ZMYM6: variants seen among roughly 807,000 people sequenced by gnomAD.
ZMYM6 encodes zinc finger MYM-type containing 6.
In ZMYM6, 90 loss-of-function variants were observed where a neutral mutation model predicts 134.0. The ratio of observed to expected loss-of-function variants is 0.67; its 90% confidence interval spans 0.57 to 0.80. The LOEUF is 0.80. ZMYM6 is among the 30% of genes least tolerant of loss of function. ZMYM6 has a pLI of 0.00. For synonymous variants in ZMYM6, 481 were observed against 524.1 expected, an observed-to-expected ratio of 0.92 and a Z score of 1.12; for missense variants, 1,362 against 1,533.9, an observed-to-expected ratio of 0.89 and a Z score of 1.87.
rs1031212802 is a variant in ZMYM6, at chr1:35,005,119, T to C, written c.1954+13A>G. 3 of 1,613,834 alleles carry C rather than the reference T, an allele frequency of 1.9e-6. No homozygotes were observed. In the East Asian group the frequency reaches 6.7e-5, roughly 36 times the overall value. On this transcript the variant is annotated intron_variant, in intron 13 of 15. Transcript: ENST00000357182. ...TCTATGGCTTAGCCAAATGCCATTA[T>C]ATCAAGTCATACCTTTTAAAACACT... is the stretch of plus-strand genomic sequence containing the variant.
At position 34,988,066 on chromosome 1, in the gene ZMYM6, C is replaced by T; in HGVS notation, c.3016G>A (p.Ala1006Thr). 6.4e-7 allele frequency: 1 copy of T among 1,551,506 alleles called. No individual in the cohort carries two copies. Among genetic ancestry groups the T allele is most frequent in the Non-Finnish European group, 8.7e-7 (1 of 1,146,976 alleles). Residue 1006 changes from alanine (A) to threonine (T), a missense_variant, in exon 16 of 16, where the codon GCA (alanine) becomes ACA (threonine). Around this residue, in one of 3 missense-constraint regions of ZMYM6, gnomAD observed 824 missense variants for 940.9 expected, o/e 0.88. Transcript: ENST00000357182. Reference protein sequence around the residue: ...KIQEVAMNTAAFTHCFIHRER... With the variant: ...KIQEVAMNTATFTHCFIHRER... ...CGGTGAATAAAACAATGTGTAAATG[C>T]CGCTGTATTCATGGCAACTTCTTGA...
chr1:35,009,778 T>TA (rs1290325428), intron 10 of ZMYM6, among the ~76,000 whole-genome samples: 8 of 151,066 alleles, frequency 5.3e-5, no homozygotes, highest in South Asian at 2.1e-4. Context: ...CTACCAAAAA[T>TA]AAAAAAAATT....
At chr1:35,030,468 G>GT in intron 2 of ZMYM6, 79 bp downstream of exon 2, 1 of 1,403,292 alleles carries the variant, frequency 7.1e-7, no homozygotes, top group Non-Finnish European at 9.7e-7. Flanking sequence ...ACCAGAAGCC[G>GT]TTTAACTAAA....
In ZMYM6 at chr1:35,012,012, G is replaced by A; in HGVS notation, c.947-7C>T. On this transcript the variant is annotated splice_polypyrimidine_tract_variant and splice_region_variant and intron_variant, in intron 7 of 15. Transcript: ENST00000357182. ...TGACATGAAACCTGGACACCTTGGTGACAAAAAATTAAAAACAATGATTAA... is the reference window on the plus strand; with the variant it reads ...TGACATGAAACCTGGACACCTTGGTAACAAAAAATTAAAAACAATGATTAA... 1.3e-6 allele frequency: 2 copies of A among 1,557,284 alleles called. No individual in the cohort carries two copies. The highest frequency in any genetic ancestry group is 1.8e-6 in the Non-Finnish European group (2 of 1,140,960).
At chr1:34,997,283 T>C (rs759871962) in intron 14 of ZMYM6, among the ~76,000 whole-genome samples, 5 of 152,212 alleles carry the variant, frequency 3.3e-5, no homozygotes, top group Admixed American at 6.5e-5. Context: ...AAATGATTCA[T>C]AGAAGCTCCT....
At chr1:34,992,103 C>T (rs1392406880) in intron 15 of ZMYM6, 131 bp downstream of exon 15, 2 of 1,158,182 alleles carry the variant, frequency 1.7e-6, no homozygotes, top group South Asian at 1.3e-5. Flanking sequence ...GTATTCAAAG[C>T]ATGTGATCCA....
intron 2 of ZMYM6, among the ~76,000 whole-genome samples, chr1:35,022,201 T>C (rs1569791861): frequency 1.3e-5 from 2 of 152,308 alleles, no homozygotes; most frequent in East Asian, 3.9e-4. Context: ...CTAAGAGATG[T>C]TCAGCAACTT....
Position 34,998,744 on chromosome 1 carries a change from G to T in ZMYM6, c.1992+5224C>A, listed in dbSNP as rs565927267. Among the ~76,000 whole-genome samples the T allele has an allele frequency of 2.0e-5, 3 of 152,258 alleles. No homozygotes were observed. In the South Asian group the frequency reaches 6.2e-4, roughly 32 times the overall value. On this transcript the variant is annotated intron_variant, in intron 14 of 15. Transcript: ENST00000357182. ...ATGTCAAGTCGGCAGCTGGATACAG[G>T]AATCTGGAGCTCAAAGGTCAGGGTA...
At chr1:35,030,502 A>G (rs770955277) in intron 2 of ZMYM6, 45 bp downstream of exon 2, 4 of 1,567,648 alleles carry the variant, frequency 2.6e-6, no homozygotes, top group Non-Finnish European at 2.6e-6. Context: ...CCAGATGGAA[A>G]AGAAGGAATT....
chr1:34,993,291 T>G (rs1210002030), intron 14 of ZMYM6, among the ~76,000 whole-genome samples: 1 of 151,976 alleles, frequency 6.6e-6, no homozygotes, highest in Non-Finnish European at 1.5e-5. Context: ...TTTTATATTT[T>G]TAGTAGAGAT....
At position 35,011,913 on chromosome 1, in the gene ZMYM6, A is replaced by AGCT; in HGVS notation, c.1036_1038dup (p.Ser348dup). The stretch of plus-strand genomic sequence containing the variant: ...ACCTGGAAAGCAACCACACAACTGG[A>AGCT]GCTGCAGAAGCTGTATATAGTTCCA... On this transcript the variant is annotated inframe_insertion, in exon 8 of 16. Transcript: ENST00000357182. 1 of 1,604,604 alleles carries AGCT rather than the reference A, an allele frequency of 6.2e-7. No homozygotes were observed. Among genetic ancestry groups the AGCT allele is most frequent in the Non-Finnish European group, 8.5e-7 (1 of 1,174,408 alleles).
At chr1:34,989,159 G>T in intron 15 of ZMYM6, 1 of 1,316,008 alleles carries the variant, frequency 7.6e-7, no homozygotes, top group African/African-American at 1.5e-5. Context: ...TAAAACTGTA[G>T]GATGTGGTAC....
intron 6 of ZMYM6, chr1:35,012,888 G>C (rs1302102853): frequency 2.0e-6 from 2 of 985,220 alleles, no homozygotes; most frequent in Non-Finnish European, 2.4e-6. Context: ...GAGAAGACCA[G>C]CTAACCCATG....
chr1:35,011,967 TTGCTGAGGTTTTACA>T lies in ZMYM6; in HGVS notation c.970_984del (p.Cys324_Ala328del). 1 of 1,609,698 alleles carries T rather than the reference TTGCTGAGGTTTTACA, an allele frequency of 6.2e-7. No individual in the cohort carries two copies. The highest frequency in any genetic ancestry group is 8.5e-7 in the Non-Finnish European group (1 of 1,177,452). ...GACATGGCTAGGTGATACTGAGGGA[TTGCTGAGGTTTTACA>T]ACTATGACATGAAACCTGGACACCT... On this transcript the variant is annotated inframe_deletion, in exon 8 of 16. Transcript: ENST00000357182.
chr1:34,988,201 T>C lies in ZMYM6; in HGVS notation c.2881A>G (p.Ile961Val), dbSNP rs781680631. The C allele has an allele frequency of 1.3e-6, 2 of 1,548,348 alleles. No homozygotes were observed. Among genetic ancestry groups the C allele is most frequent in the South Asian group, 2.4e-5 (2 of 83,314 alleles). ...QITGFEIFELINKYIDSKSLN... is the reference protein window; with the variant it reads ...QITGFEIFELVNKYIDSKSLN... ...GATTTACTATCAATATATTTATTTA[T>C]TAGTTCAAATATTTCAAAGCCAGTT... is the stretch of plus-strand genomic sequence containing the variant. Residue 961 changes from isoleucine (I) to valine (V), a missense_variant, in exon 16 of 16, where the codon ATA (isoleucine) becomes GTA (valine). By Grantham distance (29) the Ile-to-Val change is conservative. This residue lies in a region of ZMYM6 where 824 missense variants were observed against 940.9 expected (regional missense o/e 0.88). Transcript: ENST00000357182.
chr1:35,025,503 A>AT (rs1557589460), intron 2 of ZMYM6, among the ~76,000 whole-genome samples: 1 of 150,054 alleles, frequency 6.7e-6, no homozygotes, highest in Non-Finnish European at 1.5e-5. Flanking sequence ...GAAAAAAAAA[A>AT]GGTGGCACAA....
intron 14 of ZMYM6, among the ~76,000 whole-genome samples, chr1:35,002,063 C>T (rs558887603): frequency 1.3e-4 from 20 of 152,284 alleles, no homozygotes; most frequent in African/African-American, 4.8e-4. Flanking sequence ...TGGTCAAAAG[C>T]CTATGGCAGT....
chr1:35,003,206 A>C (rs1229514465), intron 14 of ZMYM6, among the ~76,000 whole-genome samples: 1 of 149,932 alleles, frequency 6.7e-6, no homozygotes, highest in Non-Finnish European at 1.5e-5. Context: ...AAAAAAAAGC[A>C]TAACAGTCAT....
chr1:34,993,645 T>C, intron 14 of ZMYM6, among the ~76,000 whole-genome samples: 1 of 152,152 alleles, frequency 6.6e-6, no homozygotes, highest in East Asian at 1.9e-4. Context: ...TTTGGGGGGC[T>C]ACTATTCTGC....
Sources: allele counts gnomAD v4.1 joint callset (sites outside exome capture counted in the v4.1 genomes callset), GRCh38; gene constraint gnomAD v4.1.1; regional missense constraint gnomAD v4.1.1; transcripts MANE v1.5; gene names NCBI Gene and HGNC (gene_info 2026-07-23, HGNC 2026-07-21).